Variants in KHDRBS2 observed in about 807,000 individuals in gnomAD.
KHDRBS2 encodes KH domain-containing, RNA-binding, signal transduction-associated protein 2.
Under a neutral mutation model 44.3 loss-of-function variants are expected in KHDRBS2, and 26 were observed. That is an observed-to-expected ratio of 0.59 (90% CI 0.43 to 0.81). The LOEUF is 0.81. Among genes scored for constraint, KHDRBS2 ranks in the 40% least tolerant of loss-of-function variants. The pLI is 0.00. For synonymous variants in KHDRBS2, 194 were observed against 151.1 expected (o/e 1.28, Z -2.08); for missense variants, 476 against 433.1 (o/e 1.10, Z -0.88).
chr6:61,858,307 A>T (rs1364691366), intron 6 of KHDRBS2, among the ~76,000 whole-genome samples: 1 of 151,856 alleles, frequency 6.6e-6, no homozygotes, highest in African/African-American at 2.4e-5. Context: ...CAAAAAGGGT[A>T]AATTTACTCT....
At chr6:61,981,080 T>G (rs1773749016) in intron 3 of KHDRBS2, among the ~76,000 whole-genome samples, 1 of 152,160 alleles carries the variant, frequency 6.6e-6, no homozygotes, top group African/African-American at 2.4e-5. Flanking sequence ...GCATAAGACC[T>G]AACCTGTCAT....
intron 6 of KHDRBS2, among the ~76,000 whole-genome samples, chr6:61,877,871 G>C (rs1322447717): frequency 1.3e-5 from 2 of 151,774 alleles, no homozygotes; most frequent in African/African-American, 4.8e-5. Context: ...AAAATCTTGT[G>C]AAGATTGTTT....
At chr6:61,632,892 G>C in the KHDRBS2 span, among the ~76,000 whole-genome samples, 4 of 151,994 alleles carry the variant, frequency 2.6e-5, no homozygotes, top group Admixed American at 2.0e-4. Context: ...TATTCTCTTT[G>C]CTTAAAAATT....
At chr6:62,018,027 ATAAG>A (rs905085316) in intron 3 of KHDRBS2, among the ~76,000 whole-genome samples, 2 of 151,818 alleles carry the variant, frequency 1.3e-5, no homozygotes, top group Admixed American at 1.3e-4. Flanking sequence ...TTTAGAATTA[ATAAG>A]TATTAGTAGT....
chr6:61,930,381 G>T (rs9363520), intron 4 of KHDRBS2, among the ~76,000 whole-genome samples: 2 of 151,862 alleles, frequency 1.3e-5, no homozygotes, highest in Admixed American at 1.3e-4. Context: ...CAATGAAACA[G>T]AAGTGTTAAG....
At chr6:62,029,576 C>A (rs1783972345) in intron 3 of KHDRBS2, among the ~76,000 whole-genome samples, 1 of 151,864 alleles carries the variant, frequency 6.6e-6, no homozygotes, top group Non-Finnish European at 1.5e-5. Flanking sequence ...GACAAACATT[C>A]TCCAGATTAA....
At chr6:62,087,730 T>C (rs1328314905) in intron 2 of KHDRBS2, among the ~76,000 whole-genome samples, 3 of 152,186 alleles carry the variant, frequency 2.0e-5, no homozygotes, top group Non-Finnish European at 2.9e-5. Context: ...TGAATTTTAA[T>C]GTTGGCCTGT....
intron 7 of KHDRBS2, among the ~76,000 whole-genome samples, chr6:61,720,369 G>C (rs1224132868): frequency 6.6e-6 from 1 of 152,026 alleles, no homozygotes; most frequent in Non-Finnish European, 1.5e-5. Context: ...TTCCACAATG[G>C]TTGAACTAGT....
At chr6:62,187,507 TA>T (rs1195544859) in intron 1 of KHDRBS2, among the ~76,000 whole-genome samples, 7 of 152,164 alleles carry the variant, frequency 4.6e-5, no homozygotes, top group African/African-American at 1.7e-4. Flanking sequence ...TTCAGAAAGA[TA>T]TTTTTTAAAA....
chr6:61,597,914 G>GTT, the KHDRBS2 span, among the ~76,000 whole-genome samples: 22,155 of 134,976 alleles, frequency 0.16, 2,102 homozygotes, highest in East Asian at 0.27. Flanking sequence ...TTTTTTTTGT[G>GTT]TTTTTTTTTT....
intron 8 of KHDRBS2, among the ~76,000 whole-genome samples, chr6:61,693,623 T>C (rs1322463863): frequency 6.6e-6 from 1 of 152,178 alleles, no homozygotes; most frequent in Non-Finnish European, 1.5e-5. Context: ...GTAAAATCCC[T>C]TTCTACATTT....
intron 2 of KHDRBS2, among the ~76,000 whole-genome samples, chr6:62,101,613 C>G (rs951766930): frequency 6.6e-6 from 1 of 152,102 alleles, no homozygotes; most frequent in East Asian, 1.9e-4. Context: ...CTAGGTAGAG[C>G]TAGCTGGATA....
intron 6 of KHDRBS2, among the ~76,000 whole-genome samples, chr6:61,773,867 G>C (rs973786655): frequency 9.3e-5 from 14 of 150,248 alleles, no homozygotes; most frequent in Admixed American, 9.3e-4. Context: ...CATATGGCTA[G>C]CCAGTTTTCC....
chr6:62,039,111 A>G (rs1203441263), intron 3 of KHDRBS2, among the ~76,000 whole-genome samples: 1 of 152,078 alleles, frequency 6.6e-6, no homozygotes, highest in African/African-American at 2.4e-5. Flanking sequence ...TTAATATTTT[A>G]AAAAGTAAAA....
At chr6:62,187,423 G>A (rs1823668313) in intron 1 of KHDRBS2, among the ~76,000 whole-genome samples, 1 of 152,070 alleles carries the variant, frequency 6.6e-6, no homozygotes, top group Non-Finnish European at 1.5e-5. Flanking sequence ...CTGTGGTGAA[G>A]CAAAATCTGT....
intron 2 of KHDRBS2, among the ~76,000 whole-genome samples, chr6:62,064,642 A>G (rs1793048129): frequency 6.6e-6 from 1 of 151,780 alleles, no homozygotes; most frequent in Non-Finnish European, 1.5e-5. Context: ...AAGATGGATT[A>G]AAGATTTGAA....
intron 2 of KHDRBS2, among the ~76,000 whole-genome samples, chr6:62,101,805 A>C (rs79238244): frequency 0.08 from 12,248 of 152,256 alleles, 529 homozygotes; most frequent in African/African-American, 0.11. Context: ...AAGACCTAAA[A>C]TTCAATGCAA....
intron 6 of KHDRBS2, among the ~76,000 whole-genome samples, chr6:61,834,106 T>A (rs1266483298): frequency 6.6e-6 from 1 of 152,090 alleles, no homozygotes; most frequent in Non-Finnish European, 1.5e-5. Flanking sequence ...TCACCTATAA[T>A]TCCATTAATC....
At chr6:62,028,417 G>A (rs944346699) in intron 3 of KHDRBS2, among the ~76,000 whole-genome samples, 9 of 151,980 alleles carry the variant, frequency 5.9e-5, no homozygotes, top group Non-Finnish European at 8.8e-5. Context: ...ATATTAAAAC[G>A]TCATCTGTAT....
Sources: allele counts gnomAD v4.1 joint callset (sites outside exome capture counted in the v4.1 genomes callset), GRCh38; gene constraint gnomAD v4.1.1; transcripts MANE v1.5; gene names NCBI Gene and HGNC (gene_info 2026-07-23, HGNC 2026-07-21).